Variants in TSPEAR observed in about 807,000 individuals in gnomAD.
TSPEAR encodes thrombospondin type laminin G domain and EAR repeats.
A neutral mutation model predicts 71.6 loss-of-function variants in TSPEAR; 69 were observed. That is an observed-to-expected ratio of 0.96 (90% confidence interval 0.79 to 1.18). The LOEUF is 1.18. TSPEAR is among the 50% of genes most tolerant of loss of function. The pLI is 0.00. For synonymous variants in TSPEAR, 402 were observed against 387.2 expected (o/e 1.04, Z -0.45); for missense variants, 971 against 894.9 (o/e 1.09, Z -1.09).
intron 1 of TSPEAR, among the ~76,000 whole-genome samples, chr21:44,625,097 A>T (rs1982682583): frequency 6.6e-6 from 1 of 152,224 alleles, no homozygotes; most frequent in Non-Finnish European, 1.5e-5. Flanking sequence ...TTACTCTTCG[A>T]TAATTTCTCC....
chr21:44,598,801 T>C (rs1980544200), intron 1 of TSPEAR, among the ~76,000 whole-genome samples: 1 of 152,222 alleles, frequency 6.6e-6, no homozygotes, highest in African/African-American at 2.4e-5. Flanking sequence ...TTTTTATCCT[T>C]CCGTCATCCT....
At chr21:44,501,584 G>A (rs186286559) in intron 11 of TSPEAR, among the ~76,000 whole-genome samples, 1 of 152,154 alleles carries the variant, frequency 6.6e-6, no homozygotes, top group East Asian at 1.9e-4. Flanking sequence ...GCGACAAAGC[G>A]AGACTCCATC....
At chr21:44,610,142 C>G (rs1332667438) in intron 1 of TSPEAR, among the ~76,000 whole-genome samples, 2 of 152,072 alleles carry the variant, frequency 1.3e-5, no homozygotes, top group African/African-American at 4.8e-5. Flanking sequence ...CCTGACTATG[C>G]AATAGAAAAG....
chr21:44,579,749 C>A lies in TSPEAR; in HGVS notation c.83-11744G>T, dbSNP rs754965310. The A allele has an allele frequency of 3.7e-6, 6 of 1,605,480 alleles. No individual in the cohort carries two copies. In the Admixed American group the frequency reaches 5.0e-5, roughly 13 times the overall value. On this transcript the variant is annotated intron_variant, in intron 1 of 11. Transcript: ENST00000323084. The stretch of plus-strand genomic sequence containing the variant: ...TGCACATCAGCAACTGGACTCCTGG[C>A]CTGAGCAGAGGCCTCAGCAGGCCAG...
chr21:44,708,202 G>A (rs1429357559), intron 1 of TSPEAR, among the ~76,000 whole-genome samples: 2 of 152,128 alleles, frequency 1.3e-5, no homozygotes, highest in African/African-American at 2.4e-5. Context: ...CAGCAGGGGG[G>A]ACTGCAGGCT....
In TSPEAR at chr21:44,507,429, C is replaced by T. The variant is rs776309349; in HGVS notation, c.1754+1770G>A. Among the ~76,000 whole-genome samples, 226 of 152,208 alleles carry T rather than the reference C, an allele frequency of 1.5e-3. 1 individual carries two copies. Among genetic ancestry groups the T allele is most frequent in the Non-Finnish European group, 2.3e-3 (155 of 68,036 alleles). The stretch of plus-strand genomic sequence containing the variant: ...ACTTGGTGAGGCCACATCACGTCTC[C>T]GGGAAGTGTAGGGAATTCCCCATGC... On this transcript the variant is annotated intron_variant, in intron 10 of 11. Transcript: ENST00000323084.
intron 1 of TSPEAR, among the ~76,000 whole-genome samples, chr21:44,671,325 C>A (rs1475978714): frequency 6.6e-6 from 1 of 152,250 alleles, no homozygotes; most frequent in South Asian, 2.1e-4. Context: ...GCCCAAGGAC[C>A]CATCCATGCA....
At chr21:44,619,796 T>C (rs994605606) in intron 1 of TSPEAR, among the ~76,000 whole-genome samples, 13 of 152,202 alleles carry the variant, frequency 8.5e-5, no homozygotes, top group African/African-American at 3.1e-4. Context: ...ATAGATCCAT[T>C]GAAGTATTCT....
At chr21:44,575,682 C>A (rs1296880838) in intron 1 of TSPEAR, among the ~76,000 whole-genome samples, 30 of 152,224 alleles carry the variant, frequency 2.0e-4, no homozygotes, top group Non-Finnish European at 1.5e-5. Flanking sequence ...TCTTCTAGCG[C>A]CATGCTTGCC....
intron 2 of TSPEAR, chr21:44,557,959 C>A: frequency 1.4e-6 from 2 of 1,442,480 alleles, no homozygotes; most frequent in South Asian, 1.3e-5. Flanking sequence ...TGGCTATGGG[C>A]AGAGGAGACT....
intron 1 of TSPEAR, chr21:44,697,809 G>A (rs1555950964): frequency 1.2e-6 from 2 of 1,613,628 alleles, no homozygotes; most frequent in Non-Finnish European, 1.7e-6. Context: ...CGCCCTGTGT[G>A]CAGACCCGCC....
In TSPEAR at chr21:44,637,610, G is replaced by A. The variant is rs1294786188; in HGVS notation, c.83-69605C>T. The stretch of plus-strand genomic sequence containing the variant: ...CTGTGAGCCCAGCGCCTGCCAATCA[G>A]GCTACACCAGCTCCTGCACAACCCC... On this transcript the variant is annotated intron_variant, in intron 1 of 11. Coordinates refer to ENST00000323084, the MANE Select transcript of TSPEAR (RefSeq NM_144991.3). The A allele has an allele frequency of 2.2e-5, 36 of 1,613,746 alleles. No individual in the cohort carries two copies. The highest frequency in any genetic ancestry group is 2.5e-5 in the Non-Finnish European group (29 of 1,179,944).
At chr21:44,606,163 CA>C (rs61407657) in intron 1 of TSPEAR, among the ~76,000 whole-genome samples, 9,807 of 70,974 alleles carry the variant, frequency 0.14, 298 homozygotes, top group South Asian at 0.25. Context: ...GACCCTGGCT[CA>C]AAAAAAAAAA....
intron 9 of TSPEAR, chr21:44,516,223 T>G (rs1385379490): frequency 6.6e-6 from 1 of 152,262 alleles, no homozygotes; most frequent in Non-Finnish European, 1.5e-5. Context: ...TTCCAGGGCT[T>G]TCAGAATGAG....
rs1569219334 is a variant in TSPEAR at position 44,612,675 on chromosome 21, G to T, written c.83-44670C>A. On this transcript the variant is annotated intron_variant, in intron 1 of 11. Coordinates refer to ENST00000323084, the MANE Select transcript of TSPEAR (RefSeq NM_144991.3). The surrounding 1 kb of genome is among the most constrained non-coding windows in gnomAD (Gnocchi z 4.1). The stretch of plus-strand genomic sequence containing the variant: ...TCCTCTCTGTGCTGCCAGAAGTCTA[G>T]CTGCCAGCCGGCTTGCTGCACCACC... The T allele has an allele frequency of 6.2e-7, 1 of 1,614,074 alleles. No individual in the cohort carries two copies. The highest frequency in any genetic ancestry group is 8.5e-7 in the Non-Finnish European group (1 of 1,180,012).
At chr21:44,704,069 T>C (rs2146333853) in intron 1 of TSPEAR, among the ~76,000 whole-genome samples, 1 of 152,304 alleles carries the variant, frequency 6.6e-6, no homozygotes, top group South Asian at 2.1e-4. Context: ...TGCCCTCAAT[T>C]GGGCCAGCTT....
At chr21:44,617,669 C>T (rs1359976775) in intron 1 of TSPEAR, among the ~76,000 whole-genome samples, 1 of 152,252 alleles carries the variant, frequency 6.6e-6, no homozygotes, top group African/African-American at 2.4e-5. Context: ...ATGCTGGGGG[C>T]ACACGTTATT....
intron 2 of TSPEAR, chr21:44,558,806 CTGAG>C (rs2053591957): frequency 1.3e-6 from 2 of 1,499,610 alleles, no homozygotes; most frequent in South Asian, 1.3e-5. Context: ...TGCCAGGCCT[CTGAG>C]TGGTCGGAAC....
intron 1 of TSPEAR, among the ~76,000 whole-genome samples, chr21:44,598,060 A>G (rs1044239188): frequency 2.0e-5 from 3 of 152,134 alleles, no homozygotes; most frequent in South Asian, 4.2e-4. Flanking sequence ...TTTAATTCCT[A>G]GTACCCCCGC....
Sources: allele counts gnomAD v4.1 joint callset (sites outside exome capture counted in the v4.1 genomes callset), GRCh38; gene constraint gnomAD v4.1.1; non-coding constraint Gnocchi (gnomAD v3.1); transcripts MANE v1.5; gene names NCBI Gene and HGNC (gene_info 2026-07-23, HGNC 2026-07-21).